CAMTA1: variants seen among roughly 807,000 people sequenced by gnomAD.
CAMTA1 encodes the protein calmodulin binding transcription activator 1, also known as calmodulin-binding transcription activator 1.
Under a neutral mutation model 170.9 loss-of-function variants are expected in CAMTA1, and 27 were observed. The ratio of observed to expected loss-of-function variants is 0.16; its 90% CI spans 0.12 to 0.22. The LOEUF is 0.22. Ranked by LOEUF, CAMTA1 falls within the 10% of genes least tolerant of loss-of-function variation. CAMTA1 has a pLI of 1.00. For missense variants in CAMTA1, 1,619 were observed against 2,217.2 expected (o/e 0.73, Z 5.42); for synonymous variants, 833 against 891.5 (o/e 0.93, Z 1.17).
chr1:7,523,869 T>C (rs3118494), intron 6 of CAMTA1, among the ~76,000 whole-genome samples: 116,724 of 149,860 alleles, frequency 0.78, 45,637 homozygotes, highest in African/African-American at 0.86. Flanking sequence ...GACGACAGAG[T>C]GAGACTCTAT....
chr1:7,163,592 A>G (rs538001324), intron 4 of CAMTA1, among the ~76,000 whole-genome samples: 1 of 152,306 alleles, frequency 6.6e-6, no homozygotes, highest in South Asian at 2.1e-4. Flanking sequence ...AACAAGGAGG[A>G]CATCAATTTA....
intron 5 of CAMTA1, among the ~76,000 whole-genome samples, chr1:7,380,429 C>T (rs1173193226): frequency 2.0e-5 from 3 of 152,164 alleles, no homozygotes; most frequent in Non-Finnish European, 2.9e-5. Flanking sequence ...ACAAAATTAG[C>T]CAGGCGTGGT....
At chr1:7,416,167 A>T (rs1367900816) in intron 5 of CAMTA1, among the ~76,000 whole-genome samples, 1 of 152,050 alleles carries the variant, frequency 6.6e-6, no homozygotes, top group African/African-American at 2.4e-5. Flanking sequence ...GGGTAACCCG[A>T]CCTTTCTCTC....
intron 5 of CAMTA1, among the ~76,000 whole-genome samples, chr1:7,428,145 T>C (rs953138232): frequency 6.6e-6 from 1 of 151,938 alleles, no homozygotes; most frequent in African/African-American, 2.4e-5. Flanking sequence ...GGGCAGGAAG[T>C]CCACGGGCAA....
chr1:7,321,352 A>C (rs1678394174), intron 5 of CAMTA1, among the ~76,000 whole-genome samples: 1 of 152,088 alleles, frequency 6.6e-6, no homozygotes, highest in East Asian at 1.9e-4. Context: ...GTCCTATTGC[A>C]CCATTGCTAT....
chr1:7,516,198 A>G (rs985014409), intron 6 of CAMTA1, among the ~76,000 whole-genome samples: 2 of 152,272 alleles, frequency 1.3e-5, no homozygotes, highest in African/African-American at 4.8e-5. Context: ...TTTGTTTGGA[A>G]CTTAAAACAC....
At chr1:7,276,303 A>ATATATATATATATATATATATTTTTTTT in intron 5 of CAMTA1, among the ~76,000 whole-genome samples, 1 of 24,226 alleles carries the variant, frequency 4.1e-5, no homozygotes, top group Non-Finnish European at 6.1e-5. Context: ...ATATATATAT[A>ATATATATATATATATATATATTTTTTTT]TTTTTTTTTT....
In CAMTA1 at chr1:6,980,252, C is replaced by T. The variant is rs148376016; in HGVS notation, c.235-111052C>T. Among the ~76,000 whole-genome samples, 318 of 152,256 alleles carry T rather than the reference C, an allele frequency of 2.1e-3. 2 individuals carry two copies. Among genetic ancestry groups the T allele is most frequent in the African/African-American group, 7.2e-3 (297 of 41,538 alleles). On this transcript the variant is annotated intron_variant, in intron 3 of 22. Transcript: ENST00000303635. ...TGCTGTCTTGCCTGATGGGCCCTTA[C>T]CATTCTGCTACCATTGGACATCCAG... is the stretch of plus-strand genomic sequence containing the variant.
intron 3 of CAMTA1, among the ~76,000 whole-genome samples, chr1:7,083,773 T>A (rs1489072119): frequency 6.6e-6 from 1 of 152,172 alleles, no homozygotes; most frequent in East Asian, 1.9e-4. Flanking sequence ...TAATATGACA[T>A]TCACACATCC....
chr1:7,214,857 T>G (rs1044815176), intron 4 of CAMTA1, among the ~76,000 whole-genome samples: 2 of 78,504 alleles, frequency 2.5e-5, no homozygotes, highest in African/African-American at 1.7e-4. Flanking sequence ...TTTTCTTTCT[T>G]TCTTTTTTTT....
intron 3 of CAMTA1, among the ~76,000 whole-genome samples, chr1:6,952,868 AT>A (rs1688744288): frequency 6.6e-6 from 1 of 152,158 alleles, no homozygotes; most frequent in Admixed American, 6.5e-5. Flanking sequence ...ACAATTATTA[AT>A]TGCAGGGAAC....
chr1:7,660,667 G>A lies in CAMTA1; in HGVS notation c.665-1059G>A, dbSNP rs554850424. ...TTCACAGAACTGGGGCCAGTGCTGCGAGGGTTAGCGGCTGTCCCCCTGGAG... is the reference window on the plus strand; with the variant it reads ...TTCACAGAACTGGGGCCAGTGCTGCAAGGGTTAGCGGCTGTCCCCCTGGAG... On this transcript the variant is annotated intron_variant, in intron 7 of 22. Coordinates refer to ENST00000303635, the MANE Select transcript of CAMTA1 (RefSeq NM_015215.4). Among the ~76,000 whole-genome samples, 89 of 152,332 alleles carry A rather than the reference G, an allele frequency of 5.8e-4. 2 individuals carry two copies. In the South Asian group the frequency reaches 0.017, roughly 29 times the overall value.
intron 1 of CAMTA1, among the ~76,000 whole-genome samples, chr1:6,800,203 C>G (rs543492570): frequency 6.6e-6 from 1 of 151,878 alleles, no homozygotes; most frequent in Non-Finnish European, 1.5e-5. Flanking sequence ...CCCTGGAGTT[C>G]GAGACCAGCC....
chr1:7,378,811 G>A (rs897586425), intron 5 of CAMTA1, among the ~76,000 whole-genome samples: 6 of 152,180 alleles, frequency 3.9e-5, no homozygotes, highest in African/African-American at 1.4e-4. Flanking sequence ...ACTAAACTAT[G>A]GGGCTGGTGG....
chr1:6,794,882 TTTTTTTTGTTTTTTTTG>T (rs1642073643), intron 1 of CAMTA1, among the ~76,000 whole-genome samples: 2 of 146,780 alleles, frequency 1.4e-5, no homozygotes, highest in South Asian at 2.1e-4. Context: ...GATAAAGGCT[TTTTTTTTGTTTTTTTTG>T]TTTTTTTGTT....
Position 6,916,345 on chromosome 1 carries a change from C to T in CAMTA1, c.234+91135C>T, listed in dbSNP as rs186289494. Among the ~76,000 whole-genome samples, 105 of 152,238 alleles carry T rather than the reference C, an allele frequency of 6.9e-4. 1 individual carries two copies. The highest frequency in any genetic ancestry group is 1.2e-3 in the Non-Finnish European group (81 of 68,020). On this transcript the variant is annotated intron_variant, in intron 3 of 22. Coordinates refer to ENST00000303635, the MANE Select transcript of CAMTA1 (RefSeq NM_015215.4). ...GATGGCCAAATTGAGTTAGGAGTGC[C>T]AGGAATCCAGATCCAGGAGCCGCCG...
rs1264504511 is a variant in CAMTA1 at position 7,681,049 on chromosome 1, G to C, written c.2914+3316G>C. Among the ~76,000 whole-genome samples, 1 of 152,172 alleles carries C rather than the reference G, an allele frequency of 6.6e-6. No individual in the cohort carries two copies. The highest frequency in any genetic ancestry group is 2.4e-5 in the African/African-American group (1 of 41,460). On this transcript the variant is annotated intron_variant, in intron 11 of 22. Transcript: ENST00000303635. The surrounding 1 kb of genome is among the most constrained non-coding windows in gnomAD (Gnocchi z 4.6). ...GCTGGGGCGCAGCCATCCTGGGAGA[G>C]ACCGGGCGTGGAGATGGGGGAAGGT...
Position 7,738,129 on chromosome 1 carries a change from C to T in CAMTA1, c.3829C>T (p.Pro1277Ser). Reference sequence around the variant, plus strand: ...AGAGCCAAATATCAGGAAGCAAAGCCCTAGTTCTAAGCAGTCTGTCCCCGA... The same window carrying T: ...AGAGCCAAATATCAGGAAGCAAAGCTCTAGTTCTAAGCAGTCTGTCCCCGA... ...LEEPNIRKQSPSSKQSVPETL... is the reference protein window; with the variant it reads ...LEEPNIRKQSSSSKQSVPETL... The change falls in exon 16 of 23, where the codon CCT becomes TCT. Residue 1277 changes from proline to serine, a missense_variant. Coordinates refer to ENST00000303635, the MANE Select transcript of CAMTA1 (RefSeq NM_015215.4). The surrounding 1 kb of genome is among the most constrained non-coding windows in gnomAD (Gnocchi z 4.9). 5 of 1,614,098 alleles carry T rather than the reference C, an allele frequency of 3.1e-6. No individual in the cohort carries two copies. The highest frequency in any genetic ancestry group is 4.2e-6 in the Non-Finnish European group (5 of 1,180,020).
rs979997101 is a variant in CAMTA1 at position 7,063,128 on chromosome 1, C to T, written c.235-28176C>T. 3.3e-5 allele frequency among the ~76,000 whole-genome samples: 5 copies of T among 152,304 alleles called. No individual in the cohort carries two copies. In the South Asian group the frequency reaches 6.2e-4, roughly 19 times the overall value. ...ATAAACTGCAGGAGGCAGAAAACGT[C>T]GCCGACTTACTCACCATTGTGTTCC... On this transcript the variant is annotated intron_variant, in intron 3 of 22. Coordinates refer to ENST00000303635, the MANE Select transcript of CAMTA1 (RefSeq NM_015215.4). The surrounding 1 kb of genome is among the most constrained non-coding windows in gnomAD (Gnocchi z 4.3).
Sources: allele counts gnomAD v4.1 joint callset (sites outside exome capture counted in the v4.1 genomes callset), GRCh38; gene constraint gnomAD v4.1.1; non-coding constraint Gnocchi (gnomAD v3.1); transcripts MANE v1.5; gene names NCBI Gene and HGNC (gene_info 2026-07-23, HGNC 2026-07-21).